KLHL24: variants seen among roughly 807,000 people sequenced by gnomAD.
The protein encoded by KLHL24 is kelch like family member 24, also known as kelch-like protein 24.
In KLHL24, 29 loss-of-function variants were observed where a neutral mutation model predicts 53.4. The ratio of observed to expected loss-of-function variants is 0.54; its 90% CI spans 0.40 to 0.74. The LOEUF (loss-of-function observed/expected upper bound fraction) is 0.74, where lower values mean the gene tolerates loss of function less well. KLHL24 is among the 30% of genes least tolerant of loss of function. KLHL24 has a pLI of 0.00. For synonymous variants in KLHL24, 222 were observed against 253.7 expected (o/e 0.88, Z 1.19); for missense variants, 504 against 744.0 (o/e 0.68, Z 3.75).
At chr3:183,676,400 G>A (rs1352304240) in intron 7 of KLHL24, among the ~76,000 whole-genome samples, 1 of 152,142 alleles carries the variant, frequency 6.6e-6, no homozygotes, top group Non-Finnish European at 1.5e-5. Context: ...CTGGCCTTAT[G>A]CACATGTTAT....
At position 183,680,703 on chromosome 3, in the gene KLHL24, A is replaced by G. The variant is rs1038789905; in HGVS notation, c.*1417A>G. On this transcript the variant is annotated 3_prime_UTR_variant, in exon 8 of 8. Coordinates refer to ENST00000242810, the MANE Select transcript of KLHL24 (RefSeq NM_017644.3). Reference sequence around the variant, plus strand: ...TGAATTTTTTTTCTAATGCAAATAAATGGATATGGCAGGAACTACAGCATA... The same window carrying G: ...TGAATTTTTTTTCTAATGCAAATAAGTGGATATGGCAGGAACTACAGCATA... The G allele has an allele frequency of 6.6e-6, 1 of 152,190 alleles. No individual in the cohort carries two copies. The allele number at this position is 152,190 out of a possible 1,614,324, so 9.4% of individuals were successfully genotyped here. A position where few individuals can be genotyped will look rare whatever the true frequency, so the allele number is the denominator to read the frequency against.
At chr3:183,645,917 T>C (rs1360031705) in intron 2 of KLHL24, among the ~76,000 whole-genome samples, 5 of 152,230 alleles carry the variant, frequency 3.3e-5, no homozygotes, top group Non-Finnish European at 7.3e-5. Context: ...ATCTTTACTT[T>C]TATATGTGTT....
chr3:183,672,490 A>G lies in KLHL24; in HGVS notation c.1602+6A>G, dbSNP rs1210458412. ...AGAATACATTCAGCCGTCAGGTAAT[A>G]ACATAAAGCAGTACAAAAGAAAAAT... On this transcript the variant is annotated splice_donor_region_variant and intron_variant, in intron 7 of 7. Coordinates refer to ENST00000242810, the MANE Select transcript of KLHL24 (RefSeq NM_017644.3). The G allele has an allele frequency of 1.3e-6, 2 of 1,582,730 alleles. No homozygotes were observed. The highest frequency in any genetic ancestry group is 1.4e-5 in the African/African-American group (1 of 73,886).
chr3:183,671,030 A>G lies in KLHL24; in HGVS notation c.1225-4A>G, dbSNP rs1721264822. On this transcript the variant is annotated splice_polypyrimidine_tract_variant and splice_region_variant and intron_variant, in intron 5 of 7. Coordinates refer to ENST00000242810, the MANE Select transcript of KLHL24 (RefSeq NM_017644.3). Reference sequence around the variant, plus strand: ...TAAGATTTTTCCATGTATTTTACATATAGGTATATGTTGTCGGTGGCTATG... The same window carrying G: ...TAAGATTTTTCCATGTATTTTACATGTAGGTATATGTTGTCGGTGGCTATG... 2 of 1,598,822 alleles carry G rather than the reference A, an allele frequency of 1.3e-6. No homozygotes were observed. Among genetic ancestry groups the G allele is most frequent in the Non-Finnish European group, 1.7e-6 (2 of 1,169,228 alleles).
chr3:183,674,189 CTAAT>C (rs1721750178), intron 7 of KLHL24, among the ~76,000 whole-genome samples: 1 of 152,086 alleles, frequency 6.6e-6, no homozygotes, highest in South Asian at 2.1e-4. Context: ...CAAAAATACT[CTAAT>C]TAGTCTTCCT....
chr3:183,662,579 G>C (rs1318842794), intron 3 of KLHL24, among the ~76,000 whole-genome samples: 1 of 152,122 alleles, frequency 6.6e-6, no homozygotes, highest in Non-Finnish European at 1.5e-5. Flanking sequence ...ACAAAAAATT[G>C]TGGATAAGCT....
chr3:183,644,796 A>G (rs1716994582), intron 2 of KLHL24, among the ~76,000 whole-genome samples: 1 of 152,250 alleles, frequency 6.6e-6, no homozygotes, highest in Admixed American at 6.5e-5. Flanking sequence ...ATCATTGAAT[A>G]CATAAAACAA....
chr3:183,646,398 C>T (rs1201070266), intron 2 of KLHL24, among the ~76,000 whole-genome samples: 3 of 151,386 alleles, frequency 2.0e-5, no homozygotes, highest in Admixed American at 2.0e-4. Flanking sequence ...AACATACTGC[C>T]TCTGACTCTC....
In KLHL24 at chr3:183,681,906, A is replaced by C. The variant is rs55934429; in HGVS notation, c.*2620A>C. The stretch of plus-strand genomic sequence containing the variant: ...TTTGGTTTAGAATCTATATATGTAC[A>C]TGTGTATGTATGTAGATAGTATGGT... On this transcript the variant is annotated 3_prime_UTR_variant, in exon 8 of 8. Transcript: ENST00000242810. The C allele has an allele frequency of 6.7e-6, 1 of 150,144 alleles. No homozygotes were observed. Among genetic ancestry groups the C allele is most frequent in the South Asian group, 2.1e-4 (1 of 4,828 alleles). The allele number at this position is 150,144 out of a possible 1,614,324, so 9.3% of individuals were successfully genotyped here. A position where few individuals can be genotyped will look rare whatever the true frequency, so the allele number is the denominator to read the frequency against.
Position 183,672,451 on chromosome 3 carries a change from C to T in KLHL24, c.1569C>T (p.Tyr523=), listed in dbSNP as rs2108879081. 1 of 1,612,144 alleles carries T rather than the reference C, an allele frequency of 6.2e-7. No homozygotes were observed. Among genetic ancestry groups the T allele is most frequent in the Non-Finnish European group, 8.5e-7 (1 of 1,179,006 alleles). The change falls in exon 7 of 8, where the codon TAC becomes TAT. Residue 523 remains tyrosine (Y), a synonymous_variant. Transcript: ENST00000242810. ...ACTGTTACGATCCAGTTGAAGATTA[C>T]TGGATGCACGTACAGAATACATTCA... ...AIYCYDPVED[Y]WMHVQNTFSR... is the part of the protein sequence containing the mutation.
At chr3:183,658,045 T>G (rs952631482) in intron 3 of KLHL24, among the ~76,000 whole-genome samples, 5 of 152,036 alleles carry the variant, frequency 3.3e-5, no homozygotes, top group African/African-American at 1.2e-4. Context: ...AAACCCCGTC[T>G]CTACTAAAAA....
chr3:183,676,910 GTTT>G (rs57502556), intron 7 of KLHL24, among the ~76,000 whole-genome samples: 14 of 139,530 alleles, frequency 1.0e-4, no homozygotes, highest in South Asian at 4.6e-4. Context: ...GGGTTTTTTG[GTTT>G]TTTTTTTTTT....
In KLHL24 at chr3:183,650,634, C is replaced by T; in HGVS notation, c.278C>T (p.Ala93Val). ...TCAGCCTGTAGCAGCTACTTCAGAG[C>T]TATGTTTTGTAATGACCACAGGGAA... ...VLSACSSYFR[A>V]MFCNDHRESR... Residue 93 changes from alanine to valine, a missense_variant, in exon 3 of 8, where the codon GCT becomes GTT. Transcript: ENST00000242810. This position sits in a 1 kb window ranked among gnomAD's most constrained non-coding sequence, Gnocchi z 4.5. 1 of 1,614,094 alleles carries T rather than the reference C, an allele frequency of 6.2e-7. No homozygotes were observed. The highest frequency in any genetic ancestry group is 1.1e-5 in the South Asian group (1 of 91,080).
chr3:183,672,626 A>C, intron 7 of KLHL24, 142 bp downstream of exon 7: 1 of 519,516 alleles, frequency 1.9e-6, no homozygotes, highest in Non-Finnish European at 3.2e-6. Flanking sequence ...GCACTTTGGG[A>C]GGCCGAGGTG....
At chr3:183,645,665 G>A (rs1049577304) in intron 2 of KLHL24, among the ~76,000 whole-genome samples, 3 of 151,922 alleles carry the variant, frequency 2.0e-5, no homozygotes, top group Admixed American at 6.6e-5. Flanking sequence ...ATTCATTTAG[G>A]TATTAAAATT....
chr3:183,679,243 G>A lies in KLHL24; in HGVS notation c.1760G>A (p.Cys587Tyr). ...CCCAGGCCAGTGTCCTATCATGGCT[G>A]TGTGACTATTCATAGATACAATGAG... is the stretch of plus-strand genomic sequence containing the variant. ...AMPRPVSYHG[C>Y]VTIHRYNEKC... is the part of the protein sequence containing the mutation. Residue 587 changes from cysteine to tyrosine, a missense_variant, in exon 8 of 8, where the codon TGT becomes TAT. Cys to Tyr is a radical substitution (Grantham distance 194). Coordinates refer to ENST00000242810, the MANE Select transcript of KLHL24 (RefSeq NM_017644.3). 1.9e-6 allele frequency: 3 copies of A among 1,614,084 alleles called. No individual in the cohort carries two copies. Among genetic ancestry groups the A allele is most frequent in the Non-Finnish European group, 2.5e-6 (3 of 1,179,962 alleles).
At chr3:183,637,864 G>A (rs150765548) in intron 1 of KLHL24, among the ~76,000 whole-genome samples, 468 of 152,304 alleles carry the variant, frequency 3.1e-3, no homozygotes, top group African/African-American at 0.011. Context: ...TCACCATGTT[G>A]GCCAGGCTAG....
At position 183,665,811 on chromosome 3, in the gene KLHL24, G is replaced by A. The variant is rs138468414; in HGVS notation, c.1224+772G>A. ...TAAAGAAAACCTATTTTTGACTGCAGCTAATGATTATTATAAACAATACAT... is the reference window on the plus strand; with the variant it reads ...TAAAGAAAACCTATTTTTGACTGCAACTAATGATTATTATAAACAATACAT... On this transcript the variant is annotated intron_variant, in intron 5 of 7. Coordinates refer to ENST00000242810, the MANE Select transcript of KLHL24 (RefSeq NM_017644.3). 2.7e-4 allele frequency among the ~76,000 whole-genome samples: 41 copies of A among 151,456 alleles called. No homozygotes were observed. The East Asian group carries it at 3.5e-3, about 13-fold the overall frequency.
Position 183,679,446 on chromosome 3 carries a change from T to C in KLHL24, c.*160T>C, listed in dbSNP as rs1406678599. 1.5e-5 allele frequency: 9 copies of C among 601,900 alleles called. No homozygotes were observed. The highest frequency in any genetic ancestry group is 1.1e-5 in the Non-Finnish European group (4 of 349,208). The allele number at this position is 601,900 out of a possible 1,614,324, so 37.3% of individuals were successfully genotyped here. A position where few individuals can be genotyped will look rare whatever the true frequency, so the allele number is the denominator to read the frequency against. ...CTCAAAATATCAATCTTTCAAACTA[T>C]AATAAAGCCTTTCCTATAATTGAAA... is the stretch of plus-strand genomic sequence containing the variant. On this transcript the variant is annotated 3_prime_UTR_variant, in exon 8 of 8. Transcript: ENST00000242810.
Sources: allele counts gnomAD v4.1 joint callset (sites outside exome capture counted in the v4.1 genomes callset), GRCh38; gene constraint gnomAD v4.1.1; non-coding constraint Gnocchi (gnomAD v3.1); transcripts MANE v1.5; gene names NCBI Gene and HGNC (gene_info 2026-07-23, HGNC 2026-07-21).